Variants in SHTN1 observed in about 807,000 individuals in gnomAD.
The protein encoded by SHTN1 is shootin-1.
Under a neutral mutation model 83.1 loss-of-function variants are expected in SHTN1, and 42 were observed. That is an observed-to-expected ratio of 0.51 (90% CI 0.39 to 0.65). The LOEUF is 0.65. SHTN1 is among the 30% of genes least tolerant of loss of function. The probability of loss-of-function intolerance (pLI) is 0.00; values close to 1 mark genes in which losing one functional copy is unlikely to be tolerated. For missense variants in SHTN1, 622 were observed against 737.8 expected, an observed-to-expected ratio of 0.84 and a Z score of 1.82; for synonymous variants, 224 against 247.7, an observed-to-expected ratio of 0.90 and a Z score of 0.90.
intron 13 of SHTN1, among the ~76,000 whole-genome samples, chr10:116,912,657 T>C (rs1377443419): frequency 6.6e-6 from 1 of 152,174 alleles, no homozygotes; most frequent in Non-Finnish European, 1.5e-5. Flanking sequence ...AGGGAAAATT[T>C]AGCATGAGGA....
At chr10:117,006,886 C>G (rs964339635), upstream of SHTN1, among the ~76,000 whole-genome samples, 18 of 151,712 alleles carry the variant, frequency 1.2e-4, no homozygotes, top group Non-Finnish European at 2.4e-4. Context: ...CTTTCTGATA[C>G]TCACTACATG....
chr10:116,900,786 A>C, intron 16 of SHTN1: 1 of 985,354 alleles, frequency 1.0e-6, no homozygotes, highest in Non-Finnish European at 1.2e-6. Context: ...CTACAGGAGA[A>C]AATGTGCTTT....
intron 4 of SHTN1, among the ~76,000 whole-genome samples, chr10:116,959,114 G>A (rs990155676): frequency 3.9e-5 from 6 of 152,254 alleles, no homozygotes; most frequent in South Asian, 4.2e-4. Flanking sequence ...ACAACATTAC[G>A]GACTAGTGAA....
At chr10:117,095,455 T>C (rs979565835) in intron 1 of SHTN1, among the ~76,000 whole-genome samples, 3 of 152,212 alleles carry the variant, frequency 2.0e-5, no homozygotes, top group East Asian at 1.9e-4. Context: ...TGAGACTGTA[T>C]TAAGGTTTGC....
At chr10:116,906,486 A>G in intron 15 of SHTN1, 141 bp downstream of exon 15, 1 of 729,866 alleles carries the variant, frequency 1.4e-6, no homozygotes, top group East Asian at 3.0e-5. Context: ...AAATATCTTT[A>G]CCCATCCCAT....
chr10:116,978,310 C>T (rs775812512), intron 2 of SHTN1, among the ~76,000 whole-genome samples: 17 of 152,158 alleles, frequency 1.1e-4, no homozygotes, highest in Non-Finnish European at 2.4e-4. Flanking sequence ...GTTTTTATTA[C>T]AGCTCTTACT....
intron 1 of SHTN1, among the ~76,000 whole-genome samples, chr10:117,003,925 G>C (rs888676036): frequency 6.6e-6 from 1 of 151,354 alleles, no homozygotes; most frequent in Non-Finnish European, 1.5e-5. Context: ...ATGGAGTTTC[G>C]TTCTTGTTGC....
chr10:116,949,785 T>C lies in SHTN1; in HGVS notation c.535-788A>G, dbSNP rs193138601. ...ACTCTTGGCTTAAATAAAACACATATAAATACTCCCACAAAAATTTAAATT... is the reference window on the plus strand; with the variant it reads ...ACTCTTGGCTTAAATAAAACACATACAAATACTCCCACAAAAATTTAAATT... On this transcript the variant is annotated intron_variant, in intron 6 of 16. Transcript: ENST00000355371. 3.0e-4 allele frequency among the ~76,000 whole-genome samples: 45 copies of C among 152,190 alleles called. No individual in the cohort carries two copies. In the East Asian group the frequency reaches 5.8e-3, roughly 20 times the overall value.
chr10:116,886,554 G>GCTA lies in SHTN1; in HGVS notation c.1683_1685dup (p.Ser562dup). On this transcript the variant is annotated inframe_insertion, in exon 17 of 17. Transcript: ENST00000355371. Reference sequence around the variant, plus strand: ...CAATGTATTTTTTCCTGCATCCAATGCTACTGGGAGGCCTATGAGATGAAG... The same window carrying GCTA: ...CAATGTATTTTTTCCTGCATCCAATGCTACTACTGGGAGGCCTATGAGATGAAG... 6.2e-7 allele frequency: 1 copy of GCTA among 1,614,090 alleles called. No homozygotes were observed. Among genetic ancestry groups the GCTA allele is most frequent in the African/African-American group, 1.3e-5 (1 of 75,020 alleles).
intron 1 of SHTN1, among the ~76,000 whole-genome samples, chr10:117,082,576 A>G (rs1298572083): frequency 6.6e-6 from 1 of 151,984 alleles, no homozygotes; most frequent in Non-Finnish European, 1.5e-5. Context: ...GCTGAGTTCA[A>G]TTCCTGGGTA....
At chr10:117,041,764 TA>T (rs1852587679) in intron 2 of SHTN1, among the ~76,000 whole-genome samples, 1 of 152,214 alleles carries the variant, frequency 6.6e-6, no homozygotes, top group Non-Finnish European at 1.5e-5. Flanking sequence ...AAGAGACGCT[TA>T]AAATCATTAG....
chr10:116,990,270 C>CT (rs1207031739), intron 1 of SHTN1, among the ~76,000 whole-genome samples: 3 of 127,034 alleles, frequency 2.4e-5, no homozygotes, highest in African/African-American at 9.0e-5. Context: ...TGTCTTTTTT[C>CT]TTTTTCTTTT....
chr10:116,930,520 G>C (rs1457545822), intron 9 of SHTN1, among the ~76,000 whole-genome samples: 3 of 152,054 alleles, frequency 2.0e-5, no homozygotes, highest in African/African-American at 7.2e-5. Context: ...TTAGGATTAT[G>C]GCCTCCAGTT....
At chr10:116,973,382 A>G (rs1355107893) in intron 2 of SHTN1, among the ~76,000 whole-genome samples, 1 of 152,206 alleles carries the variant, frequency 6.6e-6, no homozygotes, top group Non-Finnish European at 1.5e-5. Context: ...GCATATGCAC[A>G]ATACCAAGAC....
chr10:117,064,060 C>T (rs889272798), intron 1 of SHTN1, among the ~76,000 whole-genome samples: 3 of 152,156 alleles, frequency 2.0e-5, no homozygotes, highest in Non-Finnish European at 2.9e-5. Flanking sequence ...GTGCTCATTT[C>T]CCCCTTTACA....
intron 2 of SHTN1, among the ~76,000 whole-genome samples, chr10:117,034,075 C>T (rs913373885): frequency 4.6e-5 from 7 of 151,782 alleles, no homozygotes. Context: ...CAGCTGGTAT[C>T]ATACTGAATG....
intron 12 of SHTN1, among the ~76,000 whole-genome samples, chr10:116,920,966 C>T (rs550102223): frequency 6.6e-6 from 1 of 152,302 alleles, no homozygotes; most frequent in South Asian, 2.1e-4. Flanking sequence ...ACTGTGTACT[C>T]CTCTTTAATT....
chr10:117,061,153 T>C (rs2133595411), intron 1 of SHTN1, among the ~76,000 whole-genome samples: 1 of 151,008 alleles, frequency 6.6e-6, no homozygotes, highest in Non-Finnish European at 1.5e-5. Flanking sequence ...TTTTTTTTCT[T>C]TTTTTTTTTC....
chr10:117,085,192 G>C (rs991693665), intron 1 of SHTN1, among the ~76,000 whole-genome samples: 2 of 152,034 alleles, frequency 1.3e-5, no homozygotes, highest in African/African-American at 4.8e-5. Context: ...TACTTTCTTT[G>C]AATTGTATAT....
Sources: gnomAD v4.1 joint callset for allele counts (sites outside exome capture counted in the v4.1 genomes callset) on GRCh38, gnomAD v4.1.1 for gene constraint, MANE v1.5 for transcripts, NCBI Gene and HGNC (gene_info 2026-07-23, HGNC 2026-07-21) for gene names.